Variants in CTNNA2 observed in about 807,000 individuals in gnomAD.
CTNNA2 encodes catenin alpha-2.
In CTNNA2, 42 loss-of-function variants were observed where a neutral mutation model predicts 101.0. That is an observed-to-expected ratio of 0.42 (90% CI 0.32 to 0.54). CTNNA2 has a LOEUF of 0.54. CTNNA2 is among the 20% of genes least tolerant of loss of function. The probability of loss-of-function intolerance (pLI) is 0.14; values close to 1 mark genes in which losing one functional copy is unlikely to be tolerated. For missense variants in CTNNA2, 871 were observed against 1,223.1 expected (o/e 0.71, Z 4.29); for synonymous variants, 450 against 456.4 (o/e 0.99, Z 0.18).
chr2:79,769,295 G>T (rs1243442463), intron 3 of CTNNA2, among the ~76,000 whole-genome samples: 1 of 152,134 alleles, frequency 6.6e-6, no homozygotes, highest in Non-Finnish European at 1.5e-5. Flanking sequence ...GGGCATATTT[G>T]ATCTTGAAAA....
At chr2:79,624,767 T>C (rs1679202925) in intron 1 of CTNNA2, among the ~76,000 whole-genome samples, 1 of 152,078 alleles carries the variant, frequency 6.6e-6, no homozygotes, top group Non-Finnish European at 1.5e-5. Flanking sequence ...GAAAGGGAGA[T>C]AGAAATAAAA....
At chr2:80,565,053 G>C (rs746184383) in intron 12 of CTNNA2, among the ~76,000 whole-genome samples, 9 of 152,198 alleles carry the variant, frequency 5.9e-5, no homozygotes, top group Non-Finnish European at 1.2e-4. Flanking sequence ...AATAATTAAA[G>C]TGGTGTAAAT....
intron 4 of CTNNA2, among the ~76,000 whole-genome samples, chr2:79,406,969 A>AG (rs985479359): frequency 6.6e-6 from 1 of 152,064 alleles, no homozygotes; most frequent in African/African-American, 2.4e-5. Context: ...TGAGCTGAGA[A>AG]GCCCATCTTC....
intron 15 of CTNNA2, among the ~76,000 whole-genome samples, chr2:80,591,583 C>A (rs2149742092): frequency 6.6e-6 from 1 of 150,588 alleles, no homozygotes; most frequent in South Asian, 2.1e-4. Flanking sequence ...GCATATTCCA[C>A]TTCAAGGAGG....
intron 2 of CTNNA2, among the ~76,000 whole-genome samples, chr2:79,290,583 C>G (rs1000844108): frequency 2.0e-5 from 3 of 152,094 alleles, no homozygotes; most frequent in African/African-American, 4.8e-5. Context: ...GAGGAACACA[C>G]CAGCAGAAGA....
rs145208029 is a variant in CTNNA2, at chr2:79,214,099, G to A, written c.-406+16023G>A. Among the ~76,000 whole-genome samples the A allele has an allele frequency of 3.7e-3, 566 of 152,194 alleles. 2 individuals are homozygous for A. The highest frequency in any genetic ancestry group is 0.014 in the Middle Eastern group (4 of 294). On this transcript the variant is annotated intron_variant, in intron 2 of 21. Transcript: ENST00000466387. ...GGGATTGAGGTTTGGGAGATTAGTC[G>A]GACACAATCAGCAGGGAGAGCACAT...
chr2:79,966,869 C>A (rs1690102227), intron 7 of CTNNA2, among the ~76,000 whole-genome samples: 1 of 152,082 alleles, frequency 6.6e-6, no homozygotes, highest in African/African-American at 2.4e-5. Flanking sequence ...GAGACACACA[C>A]CTTCCTGTTT....
intron 7 of CTNNA2, among the ~76,000 whole-genome samples, chr2:79,962,246 T>A (rs1247363685): frequency 6.6e-6 from 1 of 152,264 alleles, no homozygotes; most frequent in African/African-American, 2.4e-5. Context: ...CTGGCAGATT[T>A]GGAGTCTGGC....
chr2:79,318,415 G>A (rs1450390904), intron 3 of CTNNA2, among the ~76,000 whole-genome samples: 1 of 152,124 alleles, frequency 6.6e-6, no homozygotes, highest in Non-Finnish European at 1.5e-5. Flanking sequence ...TCTTACTCCA[G>A]GGTGGCTATT....
At chr2:80,065,436 A>G (rs1407842148) in intron 7 of CTNNA2, among the ~76,000 whole-genome samples, 3 of 149,872 alleles carry the variant, frequency 2.0e-5, no homozygotes, top group South Asian at 2.1e-4. Context: ...TCGGCTCACT[A>G]CAATCTCTGC....
At chr2:80,060,657 C>T (rs183356956) in intron 7 of CTNNA2, among the ~76,000 whole-genome samples, 6 of 152,196 alleles carry the variant, frequency 3.9e-5, no homozygotes, top group South Asian at 2.1e-4. Flanking sequence ...CTTGTTCTTA[C>T]AGTTCTATTG....
At chr2:80,025,179 G>T (rs916837173) in intron 7 of CTNNA2, among the ~76,000 whole-genome samples, 1 of 152,158 alleles carries the variant, frequency 6.6e-6, no homozygotes, top group African/African-American at 2.4e-5. Flanking sequence ...ATGGGTACAG[G>T]GTGGGTAGCG....
chr2:79,974,753 A>T (rs1300672408), intron 7 of CTNNA2, among the ~76,000 whole-genome samples: 2 of 152,192 alleles, frequency 1.3e-5, no homozygotes, highest in Non-Finnish European at 2.9e-5. Flanking sequence ...GGAGACAGAT[A>T]ATACAAATTA....
At chr2:79,398,151 A>G (rs553919091) in intron 4 of CTNNA2, among the ~76,000 whole-genome samples, 2 of 152,250 alleles carry the variant, frequency 1.3e-5, no homozygotes, top group African/African-American at 4.8e-5. Flanking sequence ...AGAGGTGGGG[A>G]AGAGTAAAAC....
chr2:79,355,147 T>C (rs1352307281), intron 3 of CTNNA2, among the ~76,000 whole-genome samples: 1 of 152,160 alleles, frequency 6.6e-6, no homozygotes, highest in Admixed American at 6.5e-5. Flanking sequence ...TAGTATAATT[T>C]TAAGTCAGGT....
intron 2 of CTNNA2, among the ~76,000 whole-genome samples, chr2:79,715,192 A>C: frequency 6.9e-6 from 1 of 144,048 alleles, no homozygotes; most frequent in Non-Finnish European, 1.5e-5. Flanking sequence ...GGGCAACAAG[A>C]GCAAAATTCC....
chr2:80,414,156 A>G (rs565495068), intron 8 of CTNNA2, among the ~76,000 whole-genome samples: 1 of 152,322 alleles, frequency 6.6e-6, no homozygotes, highest in South Asian at 2.1e-4. Context: ...ATCCTGAAGG[A>G]GAAACAGGAT....
chr2:79,380,358 G>A (rs968223318), intron 4 of CTNNA2, among the ~76,000 whole-genome samples: 6 of 151,584 alleles, frequency 4.0e-5, no homozygotes, highest in Non-Finnish European at 7.4e-5. Flanking sequence ...ATTACTCTCC[G>A]TCTGTGCCAT....
At chr2:79,338,581 T>TTCC (rs1677054778) in intron 3 of CTNNA2, among the ~76,000 whole-genome samples, 1 of 110,836 alleles carries the variant, frequency 9.0e-6, no homozygotes. Flanking sequence ...CCTCATCATC[T>TTCC]TCTTCTTCTT....
Sources: gnomAD v4.1 joint callset for allele counts (sites outside exome capture counted in the v4.1 genomes callset) on GRCh38, gnomAD v4.1.1 for gene constraint, MANE v1.5 for transcripts, NCBI Gene and HGNC (gene_info 2026-07-23, HGNC 2026-07-21) for gene names.